NCEH1: variants seen among roughly 807,000 people sequenced by gnomAD.
NCEH1 encodes 2-acetyl MAGE hydrolase.
Under a neutral mutation model 25.4 loss-of-function variants are expected in NCEH1, and 9 were observed. That is an observed-to-expected ratio of 0.35 (90% confidence interval 0.21 to 0.62). NCEH1 has a LOEUF of 0.62. Ranked by LOEUF, NCEH1 falls within the 20% of genes least tolerant of loss-of-function variation. The pLI, the probability that NCEH1 is intolerant of heterozygous loss-of-function variation, is 0.72. For missense variants in NCEH1, 412 were observed against 501.1 expected, an observed-to-expected ratio of 0.82 and a Z score of 1.70; for synonymous variants, 200 against 199.8, an observed-to-expected ratio of 1.00 and a Z score of -0.01.
chr3:172,661,818 A>AT (rs529088121), intron 1 of NCEH1, among the ~76,000 whole-genome samples: 310 of 120,816 alleles, frequency 2.6e-3, no homozygotes, highest in African/African-American at 8.1e-3. Context: ...TTGCACATTG[A>AT]TTTTGTATCC....
chr3:172,645,601 A>T (rs754149316), intron 3 of NCEH1, 22 bp downstream of exon 3: 3 of 1,506,412 alleles, frequency 2.0e-6, no homozygotes, highest in Non-Finnish European at 2.7e-6. Context: ...AAAATTTTCT[A>T]TGACTAGCAT....
rs1006593829 is a variant in NCEH1, at chr3:172,632,432, A to T, written c.*1043T>A. The T allele has an allele frequency of 6.6e-6, 1 of 152,490 alleles. No homozygotes were observed. The highest frequency in any genetic ancestry group is 1.5e-5 in the Non-Finnish European group (1 of 68,022). The allele number at this position is 152,490 out of a possible 1,614,324, so 9.4% of individuals were successfully genotyped here. ...TATGTATATTAACATTAAATAACTTAAAAAAATAAACAATACATTATATTG... is the reference window on the plus strand; with the variant it reads ...TATGTATATTAACATTAAATAACTTTAAAAAATAAACAATACATTATATTG... On this transcript the variant is annotated 3_prime_UTR_variant, in exon 5 of 5. Transcript: ENST00000475381.
In NCEH1 at chr3:172,633,415, C is replaced by T. The variant is rs1716453573; in HGVS notation, c.*60G>A. The T allele has an allele frequency of 2.6e-6, 4 of 1,518,338 alleles. No individual in the cohort carries two copies. The highest frequency in any genetic ancestry group is 3.6e-6 in the Non-Finnish European group (4 of 1,121,966). The allele number at this position is 1,518,338 out of a possible 1,614,324, so 94.1% of individuals were successfully genotyped here. On this transcript the variant is annotated 3_prime_UTR_variant, in exon 5 of 5. Coordinates refer to ENST00000475381, the MANE Select transcript of NCEH1 (RefSeq NM_020792.6). Reference sequence around the variant, plus strand: ...AATTAGTCAACTAAAAAGTGCATGTCTTTCCAAAGCAGGTGTAGGAGGTCA... The same window carrying T: ...AATTAGTCAACTAAAAAGTGCATGTTTTTCCAAAGCAGGTGTAGGAGGTCA...
chr3:172,636,072 T>G lies in NCEH1; in HGVS notation c.453A>C (p.Pro151=), dbSNP rs377255946. 17 of 1,613,916 alleles carry G rather than the reference T, an allele frequency of 1.1e-5. No homozygotes were observed. In the African/African-American group the frequency reaches 1.3e-4, roughly 13 times the overall value. The part of the protein sequence containing the change: ...VIVSIEYRLV[P]KVYFPEQIHD... Reference sequence around the variant, plus strand: ...GAATTTGCTCAGGAAAATAAACCTTTGGAACTAGCCTGTATCTGTAAAAAC... The same window carrying G: ...GAATTTGCTCAGGAAAATAAACCTTGGGAACTAGCCTGTATCTGTAAAAAC... The change falls in exon 4 of 5, where the codon CCA becomes CCC. Residue 151 remains proline (P), a synonymous_variant. Transcript: ENST00000475381.
chr3:172,661,167 G>C (rs972873135), intron 1 of NCEH1, among the ~76,000 whole-genome samples: 15 of 152,178 alleles, frequency 9.9e-5, no homozygotes, highest in African/African-American at 3.6e-4. Flanking sequence ...GTAAGGAAGG[G>C]ATCCAGTTTC....
Position 172,656,690 on chromosome 3 carries a change from C to T in NCEH1, c.139-8576G>A, listed in dbSNP as rs562554333. ...CTGACGCAGGAGAATTGCTTGACAC[C>T]GGGAGGCAGAGACTTGCAGTGAGCC... is the stretch of plus-strand genomic sequence containing the variant. On this transcript the variant is annotated intron_variant, in intron 1 of 4. Transcript: ENST00000475381. Among the ~76,000 whole-genome samples the T allele has an allele frequency of 1.2e-4, 18 of 152,150 alleles. 1 individual carries two copies. The highest frequency in any genetic ancestry group is 1.9e-4 in the East Asian group (1 of 5,164).
At chr3:172,681,642 C>T (rs903114761) in intron 1 of NCEH1, among the ~76,000 whole-genome samples, 1 of 150,514 alleles carries the variant, frequency 6.6e-6, no homozygotes, top group African/African-American at 2.5e-5. Context: ...GTAATCCCAA[C>T]ACTGTGGGAG....
At chr3:172,692,329 C>T (rs1275762755) in intron 1 of NCEH1, among the ~76,000 whole-genome samples, 1 of 152,022 alleles carries the variant, frequency 6.6e-6, no homozygotes, top group African/African-American at 2.4e-5. Flanking sequence ...CTGTAAGGTT[C>T]GTAATGGAAT....
rs371963691 is a variant in NCEH1, at chr3:172,636,042, A to G, written c.483T>C (p.Asp161=). Reference sequence around the variant, plus strand: ...GGAAATACTTTGTGGCCCGTACAACATCATGAATTTGCTCAGGAAAATAAA... The same window carrying G: ...GGAAATACTTTGTGGCCCGTACAACGTCATGAATTTGCTCAGGAAAATAAA... ...PKVYFPEQIH[D]VVRATKYFLK... The change falls in exon 4 of 5, where the codon GAT becomes GAC. Residue 161 remains aspartate, a synonymous_variant. Transcript: ENST00000475381. 5 of 1,614,180 alleles carry G rather than the reference A, an allele frequency of 3.1e-6. No individual in the cohort carries two copies. Among genetic ancestry groups the G allele is most frequent in the Non-Finnish European group, 4.2e-6 (5 of 1,180,010 alleles).
intron 3 of NCEH1, 33 bp downstream of exon 3, chr3:172,645,590 A>G: frequency 7.1e-7 from 1 of 1,411,918 alleles, no homozygotes; most frequent in Non-Finnish European, 9.9e-7. Flanking sequence ...CCTTTATAAG[A>G]AAAATTTTCT....
At chr3:172,679,932 T>C (rs1712249218) in intron 1 of NCEH1, among the ~76,000 whole-genome samples, 1 of 152,186 alleles carries the variant, frequency 6.6e-6, no homozygotes, top group Non-Finnish European at 1.5e-5. Context: ...ACACACCTGG[T>C]CAAACCAATC....
At chr3:172,646,364 T>TAAA (rs67998617) in intron 2 of NCEH1, among the ~76,000 whole-genome samples, 2 of 76,734 alleles carry the variant, frequency 2.6e-5, no homozygotes, top group Admixed American at 2.7e-4. Flanking sequence ...CTAAAAATAA[T>TAAA]AATTTTAACA....
In NCEH1 at chr3:172,683,217, A is replaced by C. The variant is rs533981802; in HGVS notation, c.138+27630T>G. ...AGGAGATCGAGACCATCCCAGCTAA[A>C]ACGGTGAAACCCCGTCTCTACTAAA... On this transcript the variant is annotated intron_variant, in intron 1 of 4. Transcript: ENST00000475381. 1.3e-4 allele frequency among the ~76,000 whole-genome samples: 10 copies of C among 74,394 alleles called. 1 individual carries two copies. The highest frequency in any genetic ancestry group is 2.2e-4 in the Admixed American group (2 of 9,066). 48.8% of individuals were successfully genotyped at this position (74,394 alleles called of 152,430 possible).
chr3:172,670,856 T>C (rs1488064597), intron 1 of NCEH1, among the ~76,000 whole-genome samples: 1 of 152,186 alleles, frequency 6.6e-6, no homozygotes, highest in Non-Finnish European at 1.5e-5. Flanking sequence ...AAATTTCATA[T>C]TTAAAATTAT....
chr3:172,710,732 C>T, intron 1 of NCEH1, 115 bp downstream of exon 1: 1 of 1,171,556 alleles, frequency 8.5e-7, no homozygotes, highest in South Asian at 1.5e-5. Context: ...AAGCGACAGC[C>T]TCAATGCATT....
Position 172,710,862 on chromosome 3 carries a change from C to T in NCEH1, c.123G>A (p.Arg41=), listed in dbSNP as rs781512258. 1 of 1,614,068 alleles carries T rather than the reference C, an allele frequency of 6.2e-7. No individual in the cohort carries two copies. Among genetic ancestry groups the T allele is most frequent in the Non-Finnish European group, 8.5e-7 (1 of 1,180,034 alleles). ...TGCACCTCACCACTTGCTGTGCACC[C>T]CGGAAAGTGGCGTCCAGCAGCATCA... ...WKLMLLDATF[R]GAQQVSNLIH... is the part of the protein sequence containing the mutation. Residue 41 remains arginine (R), a synonymous_variant, in exon 1 of 5, where the codon CGG becomes CGA. Transcript: ENST00000475381.
chr3:172,633,352 A>T lies in NCEH1; in HGVS notation c.*123T>A. 1.1e-6 allele frequency: 1 copy of T among 938,662 alleles called. No individual in the cohort carries two copies. 58.1% of individuals were successfully genotyped at this position (938,662 alleles called of 1,614,324 possible). A position where few individuals can be genotyped will look rare whatever the true frequency, so the allele number is the denominator to read the frequency against. On this transcript the variant is annotated 3_prime_UTR_variant, in exon 5 of 5. Coordinates refer to ENST00000475381, the MANE Select transcript of NCEH1 (RefSeq NM_020792.6). ...ATAAAGACTTCAGTTATGGAATAGAAATTCCATAACTCGCAAGTAGAGGGG... is the reference window on the plus strand; with the variant it reads ...ATAAAGACTTCAGTTATGGAATAGATATTCCATAACTCGCAAGTAGAGGGG...
At chr3:172,644,598 T>TTA (rs1190246168) in intron 3 of NCEH1, among the ~76,000 whole-genome samples, 3 of 152,248 alleles carry the variant, frequency 2.0e-5, no homozygotes, top group Admixed American at 6.5e-5. Context: ...CTATCTGGCC[T>TTA]TATGCACATC....
chr3:172,706,465 C>T (rs936647216), intron 1 of NCEH1, among the ~76,000 whole-genome samples: 1 of 151,340 alleles, frequency 6.6e-6, no homozygotes, highest in Non-Finnish European at 1.5e-5. Context: ...TATGAATTTA[C>T]CATTATTTAA....
Sources: gnomAD v4.1 joint callset for allele counts (sites outside exome capture counted in the v4.1 genomes callset) on GRCh38, gnomAD v4.1.1 for gene constraint, MANE v1.5 for transcripts, NCBI Gene and HGNC (gene_info 2026-07-23, HGNC 2026-07-21) for gene names.